The following MAPKAP1 variants were observed in gnomAD, a reference collection of about 807,000 sequenced individuals.
MAPKAP1 encodes MAPK associated protein 1.
Under a neutral mutation model 65.7 loss-of-function variants are expected in MAPKAP1, and 20 were observed. The ratio of observed to expected loss-of-function variants is 0.30; its 90% CI spans 0.21 to 0.44. The LOEUF (loss-of-function observed/expected upper bound fraction) is 0.44, where lower values mean the gene tolerates loss of function less well. MAPKAP1 is among the 20% of genes least tolerant of loss of function. The pLI is 1.00. For missense variants in MAPKAP1, 423 were observed against 648.0 expected (o/e 0.65, Z 3.77); for synonymous variants, 222 against 244.3 (o/e 0.91, Z 0.85).
intron 4 of MAPKAP1, among the ~76,000 whole-genome samples, chr9:125,617,618 A>G (rs1427795532): frequency 6.6e-6 from 1 of 152,246 alleles, no homozygotes; most frequent in Non-Finnish European, 1.5e-5. Flanking sequence ...TACCCATACA[A>G]TGAAAATGAA....
At position 125,653,012 on chromosome 9, in the gene MAPKAP1, G is replaced by A. The variant is rs185010031; in HGVS notation, c.498+4639C>T. On this transcript the variant is annotated intron_variant, in intron 4 of 11. Coordinates refer to ENST00000265960, the MANE Select transcript of MAPKAP1 (RefSeq NM_001006617.3). ...CACTGCCCCATCGTCAGTGCCCTGTGTCATCCCTTTACAAAGAGAAAGCAG... is the reference window on the plus strand; with the variant it reads ...CACTGCCCCATCGTCAGTGCCCTGTATCATCCCTTTACAAAGAGAAAGCAG... 2.0e-5 allele frequency among the ~76,000 whole-genome samples: 3 copies of A among 152,306 alleles called. No individual in the cohort carries two copies. The East Asian group carries it at 5.8e-4, about 29-fold the overall frequency.
intron 4 of MAPKAP1, among the ~76,000 whole-genome samples, chr9:125,616,994 T>C (rs1470310935): frequency 6.6e-6 from 1 of 152,234 alleles, no homozygotes; most frequent in Non-Finnish European, 1.5e-5. Flanking sequence ...AGTTTCCATA[T>C]ATCATTTATC....
At chr9:125,509,949 T>C (rs1008282589) in intron 7 of MAPKAP1, among the ~76,000 whole-genome samples, 6 of 152,234 alleles carry the variant, frequency 3.9e-5, no homozygotes, top group Non-Finnish European at 8.8e-5. Flanking sequence ...ATTTCTTGGA[T>C]CTTGCAGATA....
intron 11 of MAPKAP1, among the ~76,000 whole-genome samples, chr9:125,442,670 A>C (rs542404307): frequency 6.6e-6 from 1 of 152,086 alleles, no homozygotes; most frequent in Non-Finnish European, 1.5e-5. Flanking sequence ...GCTGGCTGCA[A>C]GCACTCCCAG....
chr9:125,461,345 A>G (rs1198446748), intron 10 of MAPKAP1, among the ~76,000 whole-genome samples: 2 of 152,154 alleles, frequency 1.3e-5, no homozygotes, highest in African/African-American at 4.8e-5. Flanking sequence ...ATGAGAAATA[A>G]ATCAAAATGC....
chr9:125,514,817 A>G (rs1227608673), intron 7 of MAPKAP1, among the ~76,000 whole-genome samples: 1 of 152,198 alleles, frequency 6.6e-6, no homozygotes, highest in Non-Finnish European at 1.5e-5. Context: ...GGATCGTGCC[A>G]AGCCTTGACT....
chr9:125,566,211 T>A (rs886747867), intron 5 of MAPKAP1, among the ~76,000 whole-genome samples: 3 of 152,204 alleles, frequency 2.0e-5, no homozygotes, highest in African/African-American at 7.2e-5. Context: ...GTGTATGGAC[T>A]GAGGAATACA....
At chr9:125,645,578 A>T (rs2131722992) in intron 4 of MAPKAP1, among the ~76,000 whole-genome samples, 1 of 152,182 alleles carries the variant, frequency 6.6e-6, no homozygotes, top group Admixed American at 6.5e-5. Context: ...CTCTACTAAA[A>T]ATGCAAAAAT....
At chr9:125,633,765 GA>G (rs1364359941) in intron 4 of MAPKAP1, among the ~76,000 whole-genome samples, 3 of 152,076 alleles carry the variant, frequency 2.0e-5, no homozygotes, top group South Asian at 2.1e-4. Context: ...AATAAAAGGG[GA>G]AAAAAAGTAA....
At chr9:125,600,285 A>T (rs1041592349) in intron 4 of MAPKAP1, among the ~76,000 whole-genome samples, 11 of 151,974 alleles carry the variant, frequency 7.2e-5, no homozygotes, top group Non-Finnish European at 1.6e-4. Flanking sequence ...CTAAATTCAG[A>T]AAGCAATTCT....
At chr9:125,669,961 A>G in intron 2 of MAPKAP1, 54 bp from the exon 3 acceptor site, 1 of 1,060,096 alleles carries the variant, frequency 9.4e-7, no homozygotes, top group Admixed American at 2.2e-5. Context: ...TACCATAAAC[A>G]AAGACATAAT....
intron 4 of MAPKAP1, among the ~76,000 whole-genome samples, chr9:125,638,402 G>C (rs996768573): frequency 6.6e-6 from 1 of 152,174 alleles, no homozygotes; most frequent in Admixed American, 6.5e-5. Flanking sequence ...CACACACTGT[G>C]GGGAGAGAGT....
chr9:125,698,499 G>A (rs983965614), intron 1 of MAPKAP1, among the ~76,000 whole-genome samples: 3 of 150,490 alleles, frequency 2.0e-5, no homozygotes, highest in Admixed American at 6.6e-5. Context: ...GTGCCACCAC[G>A]CCTGGCAAAT....
intron 4 of MAPKAP1, among the ~76,000 whole-genome samples, chr9:125,620,984 C>T (rs1437557099): frequency 3.3e-5 from 5 of 152,068 alleles, no homozygotes; most frequent in South Asian, 4.1e-4. Flanking sequence ...AACAACAGTG[C>T]CATCAGGCCA....
chr9:125,526,312 G>A (rs1283193237), intron 7 of MAPKAP1, among the ~76,000 whole-genome samples: 1 of 152,190 alleles, frequency 6.6e-6, no homozygotes, highest in East Asian at 1.9e-4. Context: ...TTAGAAAGAA[G>A]TAAGAATGTC....
chr9:125,486,716 C>T (rs557858129), intron 8 of MAPKAP1, among the ~76,000 whole-genome samples: 9 of 152,156 alleles, frequency 5.9e-5, no homozygotes, highest in African/African-American at 1.4e-4. Context: ...GACATGACCT[C>T]GCCCTTCACT....
At chr9:125,693,510 TAC>T (rs201539307) in intron 1 of MAPKAP1, among the ~76,000 whole-genome samples, 12 of 139,380 alleles carry the variant, frequency 8.6e-5, no homozygotes, top group East Asian at 2.0e-4. Flanking sequence ...TATATACACA[TAC>T]ACACACATAT....
At chr9:125,680,086 ATT>A (rs376323041) in intron 1 of MAPKAP1, among the ~76,000 whole-genome samples, 3,059 of 141,704 alleles carry the variant, frequency 0.022, 100 homozygotes, top group African/African-American at 0.072. Context: ...CAGATGCGAG[ATT>A]TTTTTTTTTT....
At chr9:125,464,227 AAAAAAAG>A (rs1248783195) in intron 10 of MAPKAP1, among the ~76,000 whole-genome samples, 1 of 150,040 alleles carries the variant, frequency 6.7e-6, no homozygotes, top group Non-Finnish European at 1.5e-5. Flanking sequence ...AAAAAAAAAA[AAAAAAAG>A]ACCTGTATCT....
Sources: gnomAD v4.1 joint callset for allele counts (sites outside exome capture counted in the v4.1 genomes callset) on GRCh38, gnomAD v4.1.1 for gene constraint, MANE v1.5 for transcripts, NCBI Gene and HGNC (gene_info 2026-07-23, HGNC 2026-07-21) for gene names.